The following PDE6A variants were observed in gnomAD, a reference collection of about 807,000 sequenced individuals.
The protein encoded by PDE6A is rod cGMP-specific 3',5'-cyclic phosphodiesterase subunit alpha.
A neutral mutation model predicts 106.3 loss-of-function variants in PDE6A; 84 were observed. The ratio of observed to expected loss-of-function variants is 0.79; its 90% CI spans 0.66 to 0.95. The LOEUF (loss-of-function observed/expected upper bound fraction) is 0.95. Ranked by LOEUF, PDE6A falls within the 40% of genes least tolerant of loss-of-function variation. The pLI, the probability that PDE6A is intolerant of heterozygous loss-of-function variation, is 0.00. For synonymous variants in PDE6A, 394 were observed against 386.6 expected, an observed-to-expected ratio of 1.02 and a Z score of -0.23; for missense variants, 1,052 against 1,084.9, an observed-to-expected ratio of 0.97 and a Z score of 0.43.
At chr5:149,941,884 C>T (rs1284558243) in intron 1 of PDE6A, among the ~76,000 whole-genome samples, 1 of 152,064 alleles carries the variant, frequency 6.6e-6, no homozygotes, top group Admixed American at 6.6e-5. Flanking sequence ...TATTTTTTAG[C>T]AATTTTTTTC....
At chr5:149,928,208 G>GATATATATATATATATATATATAT (rs1228867964) in intron 4 of PDE6A, among the ~76,000 whole-genome samples, 16 of 57,726 alleles carry the variant, frequency 2.8e-4, no homozygotes, top group East Asian at 1.0e-3. Flanking sequence ...AATTGTATGT[G>GATATATATATATATATATATATAT]CTATATATAT....
Position 149,883,429 on chromosome 5 carries a change from A to G in PDE6A, c.2135T>C (p.Met712Thr), listed in dbSNP as rs895158467. 1.2e-6 allele frequency: 2 copies of G among 1,606,322 alleles called. No individual in the cohort carries two copies. Among genetic ancestry groups the G allele is most frequent in the Non-Finnish European group, 1.7e-6 (2 of 1,172,854 alleles). ...MLEQTRKEIV[M>T]AMMMTACDLS... Reference sequence around the variant, plus strand: ...AGGTTTTAACCCCATCCCAACTCACATAACGATTTCCTTCCGTGTCTGCTC... The same window carrying G: ...AGGTTTTAACCCCATCCCAACTCACGTAACGATTTCCTTCCGTGTCTGCTC... Residue 712 changes from methionine to threonine, a missense_variant and splice_region_variant, in exon 17 of 22, where the codon ATG (methionine) becomes ACG (threonine). By Grantham distance (81) the Met-to-Thr change is moderately conservative. Around this residue, in one of 3 missense-constraint regions of PDE6A, gnomAD observed 913 missense variants for 915.2 expected, o/e 1.00. Coordinates refer to ENST00000255266, the MANE Select transcript of PDE6A (RefSeq NM_000440.3).
At chr5:149,914,837 T>C in intron 6 of PDE6A, 106 bp downstream of exon 6, 2 of 801,208 alleles carry the variant, frequency 2.5e-6, no homozygotes, top group Non-Finnish European at 4.5e-6. Context: ...AACACTTATG[T>C]ATTTTATGGA....
At chr5:149,936,013 G>A (rs1754169027) in intron 1 of PDE6A, among the ~76,000 whole-genome samples, 2 of 152,216 alleles carry the variant, frequency 1.3e-5, no homozygotes, top group South Asian at 4.1e-4. Flanking sequence ...AATTAGCCAG[G>A]TGTGGTGACA....
At chr5:149,907,457 T>C (rs1035710888) in intron 6 of PDE6A, 79 bp from the exon 7 acceptor site, 70 of 1,137,024 alleles carry the variant, frequency 6.2e-5, no homozygotes, top group Non-Finnish European at 1.3e-5. Context: ...GTGTTTGCGC[T>C]CCCCCTGCTC....
intron 1 of PDE6A, 38 bp from the exon 2 acceptor site, chr5:149,934,756 A>C: frequency 6.2e-7 from 1 of 1,611,126 alleles, no homozygotes; most frequent in Non-Finnish European, 8.5e-7. Flanking sequence ...CAGGCAAATG[A>C]AGAGCAAGAA....
At chr5:149,924,904 C>T (rs918693878) in intron 4 of PDE6A, among the ~76,000 whole-genome samples, 2 of 152,174 alleles carry the variant, frequency 1.3e-5, no homozygotes, top group African/African-American at 4.8e-5. Context: ...AATTGGAATT[C>T]AGAGCCTGCC....
intron 1 of PDE6A, 114 bp from the exon 2 acceptor site, chr5:149,934,832 C>T: frequency 1.0e-6 from 1 of 964,390 alleles, no homozygotes; most frequent in Non-Finnish European, 1.6e-6. Context: ...TCCTCTTCAA[C>T]AGGGGCAGGG....
chr5:149,931,284 A>G, intron 3 of PDE6A, 116 bp from the exon 4 acceptor site: 1 of 940,370 alleles, frequency 1.1e-6, no homozygotes, highest in Admixed American at 1.9e-5. Context: ...TTTACCCTTC[A>G]CAATAATCCA....
At chr5:149,862,115 G>C (rs892301823) in intron 21 of PDE6A, among the ~76,000 whole-genome samples, 10 of 152,162 alleles carry the variant, frequency 6.6e-5, no homozygotes, top group Non-Finnish European at 1.0e-4. Flanking sequence ...AGAGGGATGG[G>C]TGTGCAAAGG....
In PDE6A at chr5:149,878,794, C is replaced by T. The variant is rs775607480; in HGVS notation, c.2135+4635G>A. Among the ~76,000 whole-genome samples the T allele has an allele frequency of 7.9e-5, 12 of 152,334 alleles. No individual in the cohort carries two copies. The East Asian group carries it at 2.1e-3, about 27-fold the overall frequency. Reference sequence around the variant, plus strand: ...CCACTGTAACTTTTCTGGGAACTGTCGGTTTGTGCCTTTTGCCCATTTTCT... The same window carrying T: ...CCACTGTAACTTTTCTGGGAACTGTTGGTTTGTGCCTTTTGCCCATTTTCT... On this transcript the variant is annotated intron_variant, in intron 17 of 21. Coordinates refer to ENST00000255266, the MANE Select transcript of PDE6A (RefSeq NM_000440.3).
At chr5:149,932,104 C>T (rs1368618527) in intron 3 of PDE6A, 1 of 1,314,954 alleles carries the variant, frequency 7.6e-7, no homozygotes, top group East Asian at 2.3e-5. Context: ...TTGTTCTCCT[C>T]GTCCGGAAGT....
chr5:149,934,813 TC>T (rs760569662), intron 1 of PDE6A, 95 bp from the exon 2 acceptor site: 20 of 1,177,080 alleles, frequency 1.7e-5, no homozygotes, highest in Non-Finnish European at 2.5e-5. Flanking sequence ...TAAAGGTGCT[TC>T]CATCTATTCC....
Position 149,863,416 on chromosome 5 carries a change from G to A in PDE6A, c.2359-150C>T, listed in dbSNP as rs1262478451. Reference sequence around the variant, plus strand: ...ACCGTGCTGATACTGCAGGGCCTCCGGTCTACACCAGCCCATGCCTCACCT... The same window carrying A: ...ACCGTGCTGATACTGCAGGGCCTCCAGTCTACACCAGCCCATGCCTCACCT... On this transcript the variant is annotated intron_variant, in intron 20 of 21. Transcript: ENST00000255266. This position sits in a 1 kb window ranked among gnomAD's most constrained non-coding sequence, Gnocchi z 4.7. 5 of 774,670 alleles carry A rather than the reference G, an allele frequency of 6.5e-6. No homozygotes were observed. Among genetic ancestry groups the A allele is most frequent in the Non-Finnish European group, 1.1e-5 (5 of 453,962 alleles). The allele number at this position is 774,670 out of a possible 1,614,324, so 48.0% of individuals were successfully genotyped here.
At chr5:149,927,301 T>C (rs1235981560) in intron 4 of PDE6A, among the ~76,000 whole-genome samples, 1 of 152,136 alleles carries the variant, frequency 6.6e-6, no homozygotes, top group Non-Finnish European at 1.5e-5. Flanking sequence ...GAGTGAGTGG[T>C]GAGTGAATGT....
chr5:149,935,997 A>C (rs987543802), intron 1 of PDE6A, among the ~76,000 whole-genome samples: 24 of 151,962 alleles, frequency 1.6e-4, no homozygotes, highest in African/African-American at 5.8e-4. Flanking sequence ...ACTAAAACTC[A>C]AAAAAAATTA....
chr5:149,905,974 C>G (rs1034070662), intron 7 of PDE6A, among the ~76,000 whole-genome samples: 13 of 152,162 alleles, frequency 8.5e-5, no homozygotes, highest in Non-Finnish European at 1.9e-4. Flanking sequence ...ACTCCTGTCT[C>G]AGCCTCTTGA....
At chr5:149,869,025 G>T (rs1760437452) in intron 17 of PDE6A, among the ~76,000 whole-genome samples, 1 of 152,200 alleles carries the variant, frequency 6.6e-6, no homozygotes, top group South Asian at 2.1e-4. Context: ...TAGCAAAGAG[G>T]CCTTGCATTA....
At position 149,903,676 on chromosome 5, in the gene PDE6A, G is replaced by T. The variant is rs750994483; in HGVS notation, c.1085C>A (p.Ala362Glu). Reference sequence around the variant, plus strand: ...AAATGCAAAAAAGTCCTCCGCAGGCGCATTCATGATGTTGCAAATCTGAGA... The same window carrying T: ...AAATGCAAAAAAGTCCTCCGCAGGCTCATTCATGATGTTGCAAATCTGAGA... ...QNGLICNIMN[A>E]PAEDFFAFQK... The change falls in exon 8 of 22, where the codon GCG becomes GAG. Residue 362 changes from alanine to glutamate, a missense_variant. Physicochemically the swap from Ala to Glu is moderately radical, Grantham distance 107. Coordinates refer to ENST00000255266, the MANE Select transcript of PDE6A (RefSeq NM_000440.3). 2 of 1,613,626 alleles carry T rather than the reference G, an allele frequency of 1.2e-6. No homozygotes were observed. Among genetic ancestry groups the T allele is most frequent in the Middle Eastern group, 1.6e-4 (1 of 6,062 alleles).
Sources: allele counts gnomAD v4.1 joint callset (sites outside exome capture counted in the v4.1 genomes callset), GRCh38; gene constraint gnomAD v4.1.1; regional missense constraint gnomAD v4.1.1; non-coding constraint Gnocchi (gnomAD v3.1); transcripts MANE v1.5; gene names NCBI Gene and HGNC (gene_info 2026-07-23, HGNC 2026-07-21).